MDGA2: variants seen among roughly 807,000 people sequenced by gnomAD.
MDGA2 encodes MAM domain-containing glycosylphosphatidylinositol anchor protein 2.
Under a neutral mutation model 117.8 loss-of-function variants are expected in MDGA2, and 40 were observed. That is an observed-to-expected ratio of 0.34 (90% CI 0.26 to 0.44). The LOEUF is 0.44. MDGA2 is among the 20% of genes least tolerant of loss of function. MDGA2 has a pLI of 1.00. For missense variants in MDGA2, 1,123 were observed against 1,250.6 expected (o/e 0.90, Z 1.54); for synonymous variants, 452 against 439.0 (o/e 1.03, Z -0.37).
chr14:47,073,657 T>C (rs1320930760), intron 6 of MDGA2, among the ~76,000 whole-genome samples: 1 of 152,170 alleles, frequency 6.6e-6, no homozygotes, highest in Admixed American at 6.5e-5. Context: ...CAACTCATTA[T>C]TGTGAAAGGG....
At chr14:47,366,422 T>C (rs1891232567) in intron 1 of MDGA2, among the ~76,000 whole-genome samples, 1 of 152,066 alleles carries the variant, frequency 6.6e-6, no homozygotes, top group Non-Finnish European at 1.5e-5. Context: ...GATTATTCTT[T>C]CTAGTCCTTT....
At chr14:47,643,688 T>C (rs1299860634) in intron 1 of MDGA2, among the ~76,000 whole-genome samples, 1 of 152,124 alleles carries the variant, frequency 6.6e-6, no homozygotes, top group Non-Finnish European at 1.5e-5. Context: ...AAGTCATAAT[T>C]TGACTGACAC....
At position 47,255,176 on chromosome 14, in the gene MDGA2, G is replaced by A. The variant is rs139489518; in HGVS notation, c.421-36981C>T. On this transcript the variant is annotated intron_variant, in intron 2 of 16. Coordinates refer to ENST00000399232, the MANE Select transcript of MDGA2 (RefSeq NM_001113498.3). ...AAAACAGAAAACAGAATTCTGAAAGGTTGAAGTATCTAAGACATTAAAGAG... is the reference window on the plus strand; with the variant it reads ...AAAACAGAAAACAGAATTCTGAAAGATTGAAGTATCTAAGACATTAAAGAG... 3.9e-5 allele frequency among the ~76,000 whole-genome samples: 6 copies of A among 152,264 alleles called. No individual in the cohort carries two copies. In the East Asian group the frequency reaches 7.7e-4, roughly 20 times the overall value.
chr14:47,121,774 T>C (rs1317321351), intron 5 of MDGA2, among the ~76,000 whole-genome samples: 1 of 152,098 alleles, frequency 6.6e-6, no homozygotes, highest in Non-Finnish European at 1.5e-5. Context: ...TGGCTAGGTA[T>C]GCATCTTCTC....
In MDGA2 at chr14:47,649,472, C is replaced by T. The variant is rs117280872; in HGVS notation, c.280+25045G>A. Among the ~76,000 whole-genome samples, 13 of 152,164 alleles carry T rather than the reference C, an allele frequency of 8.5e-5. No homozygotes were observed. In the East Asian group the frequency reaches 2.5e-3, roughly 29 times the overall value. On this transcript the variant is annotated intron_variant, in intron 1 of 16. Transcript: ENST00000399232. ...AAACAAATCATTTCACAAATTTATA[C>T]AGCATAGCCTGGGAGACCAGCCTGG... is the stretch of plus-strand genomic sequence containing the variant.
chr14:46,956,625 T>A (rs1423341340), intron 9 of MDGA2, among the ~76,000 whole-genome samples: 1 of 151,078 alleles, frequency 6.6e-6, no homozygotes, highest in Non-Finnish European at 1.5e-5. Context: ...AGAGCAATTA[T>A]CTATTCACAT....
intron 8 of MDGA2, among the ~76,000 whole-genome samples, chr14:47,018,061 G>A (rs1296682140): frequency 6.6e-6 from 1 of 152,006 alleles, no homozygotes; most frequent in African/African-American, 2.4e-5. Flanking sequence ...ACACTATAAA[G>A]AGAAGTAAAA....
At chr14:47,181,728 CTT>C (rs1400662952) in intron 3 of MDGA2, among the ~76,000 whole-genome samples, 2 of 151,950 alleles carry the variant, frequency 1.3e-5, no homozygotes, top group African/African-American at 2.4e-5. Context: ...ATCTTTTGAT[CTT>C]TTTTCTCTCC....
chr14:47,360,181 A>G (rs886528114), intron 1 of MDGA2, among the ~76,000 whole-genome samples: 2 of 151,808 alleles, frequency 1.3e-5, no homozygotes, highest in African/African-American at 4.8e-5. Context: ...GAGAAACCCC[A>G]TCTCTACTAA....
intron 8 of MDGA2, among the ~76,000 whole-genome samples, chr14:46,987,985 T>C (rs559257324): frequency 1.2e-4 from 18 of 151,854 alleles, no homozygotes; most frequent in Admixed American, 1.1e-3. Context: ...ATGTTACTAT[T>C]ATGTAAAGTA....
chr14:47,613,479 T>TCTCTCACA (rs1023859588), intron 1 of MDGA2, among the ~76,000 whole-genome samples: 7 of 141,168 alleles, frequency 5.0e-5, no homozygotes, highest in East Asian at 4.3e-4. Flanking sequence ...TCTCTCTCTC[T>TCTCTCACA]CACACACACA....
chr14:46,999,199 C>A, intron 8 of MDGA2, among the ~76,000 whole-genome samples: 1 of 149,076 alleles, frequency 6.7e-6, no homozygotes, highest in Admixed American at 6.7e-5. Flanking sequence ...CTACTGTTGT[C>A]ACAGCAGGTA....
At chr14:47,034,981 A>C in intron 8 of MDGA2, 30 bp downstream of exon 8, 1 of 1,577,736 alleles carries the variant, frequency 6.3e-7, no homozygotes, top group Non-Finnish European at 8.6e-7. Context: ...TTGTCCCCAT[A>C]TGGAAATGCA....
chr14:47,061,538 A>G lies in MDGA2; in HGVS notation c.1236T>C (p.Tyr412=). 6.2e-7 allele frequency: 1 copy of G among 1,613,266 alleles called. No homozygotes were observed. Residue 412 remains tyrosine, a synonymous_variant, in exon 7 of 17, where the codon TAT becomes TAC. Coordinates refer to ENST00000399232, the MANE Select transcript of MDGA2 (RefSeq NM_001113498.3). ...CAATCTGGATGTTGTCATCTTTGTG[A>G]TAAGGATCTGGTGTGATCCAAAATC... ...KGRFWITPDP[Y]HKDDNIQIGR...
intron 8 of MDGA2, among the ~76,000 whole-genome samples, chr14:47,026,503 ATAT>A (rs1343464534): frequency 3.3e-5 from 5 of 152,098 alleles, no homozygotes; most frequent in Admixed American, 6.6e-5. Flanking sequence ...AGCACTAAGC[ATAT>A]TATTGTTGGT....
intron 1 of MDGA2, among the ~76,000 whole-genome samples, chr14:47,452,177 C>G (rs776771099): frequency 1.3e-5 from 2 of 151,912 alleles, no homozygotes; most frequent in African/African-American, 2.4e-5. Flanking sequence ...TTTCTCAGTG[C>G]CCTCCCCCAC....
At chr14:47,351,913 A>ACG (rs932626654) in intron 1 of MDGA2, among the ~76,000 whole-genome samples, 16 of 110,084 alleles carry the variant, frequency 1.5e-4, no homozygotes, top group Non-Finnish European at 2.2e-4. Context: ...ACACACACAC[A>ACG]CACACACACA....
At chr14:47,344,876 A>T (rs913936662) in intron 1 of MDGA2, among the ~76,000 whole-genome samples, 10 of 150,808 alleles carry the variant, frequency 6.6e-5, no homozygotes, top group Non-Finnish European at 1.2e-4. Flanking sequence ...TGTGTATGAG[A>T]GTGTGTGTGT....
chr14:47,361,440 T>C (rs1004248018), intron 1 of MDGA2, among the ~76,000 whole-genome samples: 3 of 152,116 alleles, frequency 2.0e-5, no homozygotes, highest in African/African-American at 7.2e-5. Flanking sequence ...CAGTCTGTGG[T>C]ATTTTGTCGT....
Sources: gnomAD v4.1 joint callset for allele counts (sites outside exome capture counted in the v4.1 genomes callset) on GRCh38, gnomAD v4.1.1 for gene constraint, MANE v1.5 for transcripts, NCBI Gene and HGNC (gene_info 2026-07-23, HGNC 2026-07-21) for gene names.